The following TNR variants were observed in gnomAD, a reference collection of about 807,000 sequenced individuals.
TNR encodes tenascin-R.
In TNR, 45 loss-of-function variants were observed where a neutral mutation model predicts 150.4. The ratio of observed to expected loss-of-function variants is 0.30; its 90% CI spans 0.24 to 0.38. The LOEUF (loss-of-function observed/expected upper bound fraction) is 0.38, where lower values mean the gene tolerates loss of function less well. Ranked by LOEUF, TNR falls within the 10% of genes least tolerant of loss-of-function variation. The pLI is 1.00. For synonymous variants in TNR, 687 were observed against 678.4 expected, an observed-to-expected ratio of 1.01 and a Z score of -0.20; for missense variants, 1,544 against 1,759.1, an observed-to-expected ratio of 0.88 and a Z score of 2.19.
At chr1:175,662,548 T>C (rs994828777) in intron 1 of TNR, among the ~76,000 whole-genome samples, 17 of 152,218 alleles carry the variant, frequency 1.1e-4, no homozygotes, top group Non-Finnish European at 1.8e-4. Context: ...AGGCATCAGG[T>C]AGGCAGTTGA....
chr1:175,668,293 C>T (rs538693021), intron 1 of TNR, among the ~76,000 whole-genome samples: 2 of 152,288 alleles, frequency 1.3e-5, no homozygotes, highest in East Asian at 1.9e-4. Context: ...TAGCCCCACA[C>T]GTTTTGGTAG....
chr1:175,709,628 C>G (rs1420098286), intron 1 of TNR, among the ~76,000 whole-genome samples: 1 of 152,226 alleles, frequency 6.6e-6, no homozygotes, highest in Non-Finnish European at 1.5e-5. Context: ...ATTCCCCTAA[C>G]AGGCCAAACA....
In TNR at chr1:175,604,804, T is replaced by G. The variant is rs139624685; in HGVS notation, c.-164-76435A>C. Among the ~76,000 whole-genome samples the G allele has an allele frequency of 3.2e-3, 487 of 152,328 alleles. 2 individuals carry two copies. The highest frequency in any genetic ancestry group is 0.011 in the African/African-American group (467 of 41,562). On this transcript the variant is annotated intron_variant, in intron 1 of 22. Coordinates refer to ENST00000367674, the MANE Select transcript of TNR (RefSeq NM_003285.3). ...CCCTGGGTCCCTAGCGCCCTCATTC[T>G]GTCACCCTTTGCCGCAGCGCTAACC... is the stretch of plus-strand genomic sequence containing the variant.
chr1:175,529,852 G>A (rs2102178070), intron 1 of TNR, among the ~76,000 whole-genome samples: 1 of 152,146 alleles, frequency 6.6e-6, no homozygotes, highest in African/African-American at 2.4e-5. Flanking sequence ...TGAACCAACT[G>A]CATCAAAAGT....
chr1:175,692,290 C>T (rs1666391367), intron 1 of TNR, among the ~76,000 whole-genome samples: 2 of 152,116 alleles, frequency 1.3e-5, no homozygotes, highest in South Asian at 2.1e-4. Context: ...CTGCCCCTGG[C>T]AATGCTTGGG....
intron 2 of TNR, among the ~76,000 whole-genome samples, chr1:175,452,781 A>T (rs1656384661): frequency 2.0e-5 from 3 of 152,246 alleles, no homozygotes; most frequent in Admixed American, 6.5e-5. Context: ...GATTCACAAT[A>T]GCCAAAAGGT....
chr1:175,616,307 C>T (rs1663772554), intron 1 of TNR, among the ~76,000 whole-genome samples: 1 of 152,224 alleles, frequency 6.6e-6, no homozygotes, highest in Non-Finnish European at 1.5e-5. Flanking sequence ...ATGTCCCCCA[C>T]CTGCCTTGGC....
chr1:175,426,897 TAA>T (rs1316561616), intron 2 of TNR, among the ~76,000 whole-genome samples: 1 of 66,862 alleles, frequency 1.5e-5, no homozygotes, highest in Non-Finnish European at 2.7e-5. Flanking sequence ...TAAATATATA[TAA>T]AATATATTAT....
At chr1:175,696,325 A>T (rs1368711198) in intron 1 of TNR, among the ~76,000 whole-genome samples, 1 of 147,312 alleles carries the variant, frequency 6.8e-6, no homozygotes, top group Non-Finnish European at 1.5e-5. Flanking sequence ...TGGGAGTGCC[A>T]TTCCTCCTTT....
At chr1:175,445,256 C>T (rs563782237) in intron 2 of TNR, among the ~76,000 whole-genome samples, 132 of 151,904 alleles carry the variant, frequency 8.7e-4, no homozygotes, top group African/African-American at 2.9e-3. Flanking sequence ...GGGGAAAGTG[C>T]GAGACTCCGT....
chr1:175,489,138 T>G (rs912091969), intron 2 of TNR, among the ~76,000 whole-genome samples: 1 of 152,132 alleles, frequency 6.6e-6, no homozygotes, highest in African/African-American at 2.4e-5. Context: ...CCCCGCTGAA[T>G]ATGTGGGCAA....
chr1:175,392,842 C>T (rs1008032681), intron 6 of TNR, among the ~76,000 whole-genome samples: 1 of 152,124 alleles, frequency 6.6e-6, no homozygotes, highest in Non-Finnish European at 1.5e-5. Flanking sequence ...TTAAACTAAA[C>T]TAGATGTAAA....
At chr1:175,389,716 T>G (rs1428178098) in intron 7 of TNR, among the ~76,000 whole-genome samples, 1 of 152,222 alleles carries the variant, frequency 6.6e-6, no homozygotes, top group Non-Finnish European at 1.5e-5. Flanking sequence ...AGCAGTGTTG[T>G]TGTGATGCTT....
intron 2 of TNR, among the ~76,000 whole-genome samples, chr1:175,499,134 C>T (rs1180852790): frequency 6.6e-6 from 1 of 152,094 alleles, no homozygotes; most frequent in Non-Finnish European, 1.5e-5. Flanking sequence ...TAGTTTCTGG[C>T]TTGTTTTTGT....
At chr1:175,578,296 T>C (rs148472159) in intron 1 of TNR, among the ~76,000 whole-genome samples, 1 of 151,570 alleles carries the variant, frequency 6.6e-6, no homozygotes, top group East Asian at 1.9e-4. Context: ...TTTAACTACA[T>C]AGATAACCAG....
At chr1:175,575,552 G>A (rs1662068920) in intron 1 of TNR, among the ~76,000 whole-genome samples, 1 of 152,164 alleles carries the variant, frequency 6.6e-6, no homozygotes, top group Non-Finnish European at 1.5e-5. Flanking sequence ...TAAATGTATT[G>A]GTTGCTAATA....
chr1:175,617,820 T>G (rs1248751653), intron 1 of TNR, among the ~76,000 whole-genome samples: 2 of 152,370 alleles, frequency 1.3e-5, no homozygotes, highest in East Asian at 3.9e-4. Context: ...CACAGAAGTT[T>G]CACACAAATA....
At chr1:175,740,576 C>G (rs572124308) in intron 1 of TNR, among the ~76,000 whole-genome samples, 8 of 152,278 alleles carry the variant, frequency 5.3e-5, no homozygotes, top group South Asian at 2.1e-4. Flanking sequence ...GGCAGCCCAG[C>G]AGTCTCCCCT....
At chr1:175,545,532 C>T (rs925373946) in intron 1 of TNR, among the ~76,000 whole-genome samples, 1 of 152,210 alleles carries the variant, frequency 6.6e-6, no homozygotes, top group Non-Finnish European at 1.5e-5. Context: ...TGAAAGTGCA[C>T]TGAGGCTATA....
Sources: allele counts gnomAD v4.1 joint callset (sites outside exome capture counted in the v4.1 genomes callset), GRCh38; gene constraint gnomAD v4.1.1; transcripts MANE v1.5; gene names NCBI Gene and HGNC (gene_info 2026-07-23, HGNC 2026-07-21).